Variants in MRPL50 observed in about 807,000 individuals in gnomAD.
MRPL50 encodes the protein mitochondrial ribosomal protein L50.
Under a neutral mutation model 16.2 loss-of-function variants are expected in MRPL50, and 10 were observed. The observed-to-expected ratio is 0.62, with a 90% CI of 0.38 to 1.05. The LOEUF (loss-of-function observed/expected upper bound fraction) is 1.05. Among genes scored for constraint, MRPL50 ranks in the 50% least tolerant of loss-of-function variants. The probability of loss-of-function intolerance (pLI) is 0.01; values close to 1 mark genes in which losing one functional copy is unlikely to be tolerated. For missense variants in MRPL50, 213 were observed against 187.1 expected, an observed-to-expected ratio of 1.14 and a Z score of -0.81; for synonymous variants, 68 against 66.8, an observed-to-expected ratio of 1.02 and a Z score of -0.09.
Position 101,390,718 on chromosome 9 carries a change from T to C in MRPL50, c.225A>G (p.Lys75=). ...DLQSRLESYV[K]EVFGSSLPSN... ...TAGGAAGAGATGAACCAAAAACTTC[T>C]TTAACGTAAGATTCCAAACGACTCT... Residue 75 remains lysine, a synonymous_variant, in exon 2 of 2, where the codon AAA becomes AAG. Transcript: ENST00000374865. The C allele has an allele frequency of 6.2e-7, 1 of 1,613,564 alleles. No individual in the cohort carries two copies. The highest frequency in any genetic ancestry group is 1.1e-5 in the South Asian group (1 of 91,068).
intron 1 of MRPL50, among the ~76,000 whole-genome samples, chr9:101,394,767 G>C (rs1830318959): frequency 6.6e-6 from 1 of 151,918 alleles, no homozygotes; most frequent in African/African-American, 2.4e-5. Flanking sequence ...GACCTCAAAA[G>C]CACAGGCAAT....
Position 101,398,571 on chromosome 9 carries a change from C to G in MRPL50, c.22G>C (p.Gly8Arg), listed in dbSNP as rs1206216110. The change falls in exon 1 of 2, where the codon GGC (glycine) becomes CGC (arginine). Residue 8 changes from glycine (G) to arginine (R), a missense_variant. Gly to Arg is a moderately radical substitution (Grantham distance 125). Transcript: ENST00000374865. MAARSVS[G>R]ITRRVFMWTV... Reference sequence around the variant, plus strand: ...CACATGAAGACTCTTCTGGTAATGCCCGACACAGATCGCGCCGCCATCTTC... The same window carrying G: ...CACATGAAGACTCTTCTGGTAATGCGCGACACAGATCGCGCCGCCATCTTC... 1 of 1,613,902 alleles carries G rather than the reference C, an allele frequency of 6.2e-7. No homozygotes were observed. The highest frequency in any genetic ancestry group is 1.1e-5 in the South Asian group (1 of 91,076).
chr9:101,390,441 T>G lies in MRPL50; in HGVS notation c.*25A>C, dbSNP rs374570062. 4.4e-6 allele frequency: 7 copies of G among 1,589,980 alleles called. No homozygotes were observed. The African/African-American group carries it at 9.4e-5, about 21-fold the overall frequency. ...CCTTGCTCAGGGAAAGACAGTGATT[T>G]CAATGTGTTTCTCTTCCGAATTGCT... is the stretch of plus-strand genomic sequence containing the variant. On this transcript the variant is annotated 3_prime_UTR_variant, in exon 2 of 2. Coordinates refer to ENST00000374865, the MANE Select transcript of MRPL50 (RefSeq NM_019051.3).
chr9:101,398,606 C>G lies in MRPL50; in HGVS notation c.-14G>C, dbSNP rs1265798557. On this transcript the variant is annotated 5_prime_UTR_variant, in exon 1 of 2. Coordinates refer to ENST00000374865, the MANE Select transcript of MRPL50 (RefSeq NM_019051.3). ...TCGCGCCGCCATCTTCGATGAGATCCACGGGCCTGAGCGCAGCCTTCAGCC... is the reference window on the plus strand; with the variant it reads ...TCGCGCCGCCATCTTCGATGAGATCGACGGGCCTGAGCGCAGCCTTCAGCC... 6.2e-7 allele frequency: 1 copy of G among 1,612,598 alleles called. No individual in the cohort carries two copies. The highest frequency in any genetic ancestry group is 8.5e-7 in the Non-Finnish European group (1 of 1,179,860).
At chr9:101,398,036 C>G (rs547594883) in intron 1 of MRPL50, among the ~76,000 whole-genome samples, 46 of 152,224 alleles carry the variant, frequency 3.0e-4, no homozygotes, top group African/African-American at 1.1e-3. Context: ...CTGCTGTATC[C>G]TAGGCGCTTA....
chr9:101,396,044 T>G (rs1349155482), intron 1 of MRPL50, among the ~76,000 whole-genome samples: 2 of 152,148 alleles, frequency 1.3e-5, no homozygotes, highest in Non-Finnish European at 2.9e-5. Flanking sequence ...AAATATCACA[T>G]GTACCCCATA....
chr9:101,391,846 T>G (rs1830277959), intron 1 of MRPL50, among the ~76,000 whole-genome samples: 1 of 152,072 alleles, frequency 6.6e-6, no homozygotes. Context: ...TTAGAGAACA[T>G]TTCACCCAAC....
rs1830256262 is a variant in MRPL50, at chr9:101,390,521, T to C, written c.422A>G (p.Asp141Gly). 6.2e-7 allele frequency: 1 copy of C among 1,612,858 alleles called. No individual in the cohort carries two copies. Among genetic ancestry groups the C allele is most frequent in the African/African-American group, 1.3e-5 (1 of 74,852 alleles). ...NVPIQDRSKF[D>G]ELSASNLPPN... ...GGGCAGATTACTGGCACTGAGTTCA[T>C]CAAATTTAGATCTATCTTGAATAGG... The change falls in exon 2 of 2, where the codon GAT becomes GGT. Residue 141 changes from aspartate to glycine, a missense_variant. Asp to Gly is a moderately conservative substitution (Grantham distance 94). Coordinates refer to ENST00000374865, the MANE Select transcript of MRPL50 (RefSeq NM_019051.3).
At chr9:101,396,619 C>T (rs1394424751) in intron 1 of MRPL50, among the ~76,000 whole-genome samples, 2 of 152,062 alleles carry the variant, frequency 1.3e-5, no homozygotes, top group Non-Finnish European at 2.9e-5. Flanking sequence ...CAGAGTAATA[C>T]CACATGATCT....
At position 101,388,193 on chromosome 9, in the gene MRPL50, T is replaced by A. The variant is rs1830225342; in HGVS notation, c.*2273A>T. 3 of 151,996 alleles carry A rather than the reference T, an allele frequency of 2.0e-5. No homozygotes were observed. The highest frequency in any genetic ancestry group is 1.3e-4 in the Admixed American group (2 of 15,250). 9.4% of individuals were successfully genotyped at this position (151,996 alleles called of 1,614,324 possible). ...TTTGCATTTTTAAAAGATCCCCACA[T>A]GAAAAAATGAATAAAAGATCCCCAA... is the stretch of plus-strand genomic sequence containing the variant. On this transcript the variant is annotated 3_prime_UTR_variant, in exon 2 of 2. Transcript: ENST00000374865.
chr9:101,398,430 T>C, intron 1 of MRPL50, 71 bp downstream of exon 1: 1 of 1,421,730 alleles, frequency 7.0e-7, no homozygotes, highest in Non-Finnish European at 9.9e-7. Flanking sequence ...CGTAACACTC[T>C]ATTTTGAATT....
intron 1 of MRPL50, among the ~76,000 whole-genome samples, chr9:101,393,410 T>C (rs1039562694): frequency 5.3e-5 from 8 of 151,886 alleles, no homozygotes; most frequent in African/African-American, 1.5e-4. Context: ...TACATCAAAA[T>C]TGAAAAGAAG....
At chr9:101,391,636 A>G (rs976642574) in intron 1 of MRPL50, among the ~76,000 whole-genome samples, 5 of 152,138 alleles carry the variant, frequency 3.3e-5, no homozygotes, top group South Asian at 2.1e-4. Context: ...AAAGCATATA[A>G]CAATTATAAA....
chr9:101,390,716 T>G lies in MRPL50; in HGVS notation c.227A>C (p.Glu76Ala). Reference protein sequence around the residue: ...LQSRLESYVKEVFGSSLPSNW... With the variant: ...LQSRLESYVKAVFGSSLPSNW... ...ACTAGGAAGAGATGAACCAAAAACTTCTTTAACGTAAGATTCCAAACGACT... is the reference window on the plus strand; with the variant it reads ...ACTAGGAAGAGATGAACCAAAAACTGCTTTAACGTAAGATTCCAAACGACT... Residue 76 changes from glutamate (E) to alanine (A), a missense_variant, in exon 2 of 2, where the codon GAA (glutamate) becomes GCA (alanine). By Grantham distance (107) the Glu-to-Ala change is moderately radical (BLOSUM62 -1). Coordinates refer to ENST00000374865, the MANE Select transcript of MRPL50 (RefSeq NM_019051.3). 6.2e-7 allele frequency: 1 copy of G among 1,610,882 alleles called. No homozygotes were observed. Among genetic ancestry groups the G allele is most frequent in the Non-Finnish European group, 8.5e-7 (1 of 1,177,268 alleles).
chr9:101,390,697 A>G lies in MRPL50; in HGVS notation c.246T>C (p.Leu82=). 6.2e-7 allele frequency: 1 copy of G among 1,613,610 alleles called. No individual in the cohort carries two copies. Among genetic ancestry groups the G allele is most frequent in the Non-Finnish European group, 8.5e-7 (1 of 1,179,620 alleles). ...SYVKEVFGSS[L]PSNWQDISLE... Reference sequence around the variant, plus strand: ...GGGAGATGTCTTGCCAATTACTAGGAAGAGATGAACCAAAAACTTCTTTAA... The same window carrying G: ...GGGAGATGTCTTGCCAATTACTAGGGAGAGATGAACCAAAAACTTCTTTAA... The change falls in exon 2 of 2, where the codon CTT becomes CTC. Residue 82 remains leucine (L), a synonymous_variant. Transcript: ENST00000374865.
intron 1 of MRPL50, among the ~76,000 whole-genome samples, chr9:101,395,458 T>C (rs1216974210): frequency 6.6e-6 from 1 of 152,214 alleles, no homozygotes; most frequent in Non-Finnish European, 1.5e-5. Context: ...CAGAGATATC[T>C]GTACTCCATG....
chr9:101,397,968 T>C (rs1013013726), intron 1 of MRPL50, among the ~76,000 whole-genome samples: 2 of 152,216 alleles, frequency 1.3e-5, no homozygotes, highest in Non-Finnish European at 2.9e-5. Context: ...TTCCCTCCTG[T>C]GGGCCTGTTT....
At chr9:101,396,562 C>T (rs1174859780) in intron 1 of MRPL50, among the ~76,000 whole-genome samples, 1 of 152,124 alleles carries the variant, frequency 6.6e-6, no homozygotes. Flanking sequence ...ATATTTGTAA[C>T]ACATGGATGA....
At position 101,390,258 on chromosome 9, in the gene MRPL50, T is replaced by C; in HGVS notation, c.*208A>G. 5 of 1,261,730 alleles carry C rather than the reference T, an allele frequency of 4.0e-6. No homozygotes were observed. The highest frequency in any genetic ancestry group is 2.7e-5 in the South Asian group (1 of 37,686). 78.2% of individuals were successfully genotyped at this position (1,261,730 alleles called of 1,614,324 possible). A position where few individuals can be genotyped will look rare whatever the true frequency, so the allele number is the denominator to read the frequency against. ...TAATGACCTAATTTCATTTAAAAAA[T>C]GGTTTCAGCAAATATGAAAATAGAA... On this transcript the variant is annotated 3_prime_UTR_variant, in exon 2 of 2. Transcript: ENST00000374865.
Sources: gnomAD v4.1 joint callset for allele counts (sites outside exome capture counted in the v4.1 genomes callset) on GRCh38, gnomAD v4.1.1 for gene constraint, MANE v1.5 for transcripts, NCBI Gene and HGNC (gene_info 2026-07-23, HGNC 2026-07-21) for gene names.